ELOVL7: variants seen among roughly 807,000 people sequenced by gnomAD.
ELOVL7 encodes very long chain fatty acid elongase 7.
In ELOVL7, 27 loss-of-function variants were observed where a neutral mutation model predicts 35.7. That is an observed-to-expected ratio of 0.76 (90% CI 0.56 to 1.04). ELOVL7 has a LOEUF of 1.04. Among genes scored for constraint, ELOVL7 ranks in the 50% least tolerant of loss-of-function variants. The pLI is 0.00. For synonymous variants in ELOVL7, 113 were observed against 114.6 expected (o/e 0.99, Z 0.09); for missense variants, 327 against 340.8 (o/e 0.96, Z 0.32).
At chr5:60,779,664 G>A (rs901851698) in intron 3 of ELOVL7, among the ~76,000 whole-genome samples, 6 of 152,184 alleles carry the variant, frequency 3.9e-5, no homozygotes, top group African/African-American at 1.2e-4. Context: ...GGTCTGTGAC[G>A]GGAGGGGCTG....
Position 60,754,787 on chromosome 5 carries a change from A to G in ELOVL7, c.683T>C (p.Met228Thr). The G allele has an allele frequency of 1.2e-6, 2 of 1,614,186 alleles. No individual in the cohort carries two copies. Among genetic ancestry groups the G allele is most frequent in the Non-Finnish European group, 1.7e-6 (2 of 1,180,028 alleles). Reference protein sequence around the residue: ...VAIHISQFFFMEDCKYQFPVF... With the variant: ...VAIHISQFFFTEDCKYQFPVF... ...TGGAAACTGATACTTGCAATCCTCC[A>G]TGAAAAAGAACTGGCTTATGTGGAT... The change falls in exon 9 of 9, where the codon ATG (methionine) becomes ACG (threonine). Residue 228 changes from methionine (M) to threonine (T), a missense_variant. Met to Thr is a moderately conservative substitution (Grantham distance 81). Transcript: ENST00000508821.
intron 6 of ELOVL7, among the ~76,000 whole-genome samples, chr5:60,766,348 A>G (rs1742234410): frequency 6.6e-6 from 1 of 152,254 alleles, no homozygotes. Flanking sequence ...GAAACTTTAT[A>G]GAGTTTGCAA....
At chr5:60,792,773 A>G (rs1168450316) in intron 2 of ELOVL7, among the ~76,000 whole-genome samples, 2 of 152,238 alleles carry the variant, frequency 1.3e-5, no homozygotes, top group African/African-American at 4.8e-5. Flanking sequence ...CCAGGACCCG[A>G]AAAGACAATT....
intron 7 of ELOVL7, among the ~76,000 whole-genome samples, chr5:60,764,008 G>A (rs1742078891): frequency 6.6e-6 from 1 of 152,084 alleles, no homozygotes; most frequent in African/African-American, 2.4e-5. Flanking sequence ...ATGTGTAGAA[G>A]GCTGTGCCCA....
At chr5:60,765,519 G>C (rs1206474868) in intron 6 of ELOVL7, among the ~76,000 whole-genome samples, 2 of 152,076 alleles carry the variant, frequency 1.3e-5, no homozygotes, top group Non-Finnish European at 2.9e-5. Flanking sequence ...GCACAATGTG[G>C]GCTGGAACCA....
At chr5:60,843,794 C>T (rs1473236960) in intron 1 of ELOVL7, among the ~76,000 whole-genome samples, 1 of 151,870 alleles carries the variant, frequency 6.6e-6, no homozygotes. Context: ...GACCCCAGTC[C>T]AGGCTCCGCT....
chr5:60,757,517 A>C lies in ELOVL7; in HGVS notation c.628T>G (p.Leu210Val). 6.2e-7 allele frequency: 1 copy of C among 1,613,320 alleles called. No homozygotes were observed. The highest frequency in any genetic ancestry group is 1.3e-5 in the African/African-American group (1 of 75,028). Reference protein sequence around the residue: ...YLWWKKYLTSLQLVQFVIVAI... With the variant: ...YLWWKKYLTSVQLVQFVIVAI... ...GACAATTAATTACTCACAAGCTGTA[A>C]TGATGTCAAATATTTTTTCCACCAC... The change falls in exon 8 of 9, where the codon TTA becomes GTA. Residue 210 changes from leucine (L) to valine (V), a missense_variant. Leu to Val is a conservative substitution (Grantham distance 32, BLOSUM62 1). Transcript: ENST00000508821.
At chr5:60,834,091 T>G (rs1024574971) in intron 1 of ELOVL7, among the ~76,000 whole-genome samples, 2 of 152,232 alleles carry the variant, frequency 1.3e-5, no homozygotes, top group African/African-American at 4.8e-5. Context: ...AGTTTTTATG[T>G]AAGCCATTAA....
At chr5:60,800,927 C>T (rs913318521) in intron 1 of ELOVL7, among the ~76,000 whole-genome samples, 6 of 151,984 alleles carry the variant, frequency 3.9e-5, no homozygotes, top group African/African-American at 1.5e-4. Flanking sequence ...AATGTTTTAC[C>T]GATTTATGTA....
At chr5:60,830,621 T>C (rs2112383267) in intron 1 of ELOVL7, among the ~76,000 whole-genome samples, 1 of 151,606 alleles carries the variant, frequency 6.6e-6, no homozygotes, top group South Asian at 2.1e-4. Flanking sequence ...TTTTTTTTTT[T>C]TTTGGTAGTA....
Position 60,754,821 on chromosome 5 carries a change from T to A in ELOVL7, c.649A>T (p.Ile217Phe). ...LTSLQLVQFV[I>F]VAIHISQFFF... ...AACTGGCTTATGTGGATGGCGACAA[T>A]AACAAACTGGACCTAAGAAATGAAA... is the stretch of plus-strand genomic sequence containing the variant. Residue 217 changes from isoleucine to phenylalanine, a missense_variant, in exon 9 of 9, where the codon ATT becomes TTT. Coordinates refer to ENST00000508821, the MANE Select transcript of ELOVL7 (RefSeq NM_024930.3). The A allele has an allele frequency of 6.2e-7, 1 of 1,613,812 alleles. No individual in the cohort carries two copies. Among genetic ancestry groups the A allele is most frequent in the Non-Finnish European group, 8.5e-7 (1 of 1,179,894 alleles).
intron 3 of ELOVL7, among the ~76,000 whole-genome samples, chr5:60,783,923 T>C (rs1743409682): frequency 6.6e-6 from 1 of 151,984 alleles, no homozygotes; most frequent in South Asian, 2.1e-4. Flanking sequence ...GGCATCAGAT[T>C]TGGTTTAAGT....
chr5:60,786,210 G>A (rs1398131410), intron 3 of ELOVL7, among the ~76,000 whole-genome samples: 1 of 152,144 alleles, frequency 6.6e-6, no homozygotes, highest in Non-Finnish European at 1.5e-5. Context: ...TGTAAAATGA[G>A]GCATTAGCTT....
intron 7 of ELOVL7, among the ~76,000 whole-genome samples, chr5:60,760,097 A>C (rs1029710461): frequency 2.0e-5 from 3 of 152,230 alleles, no homozygotes; most frequent in Non-Finnish European, 4.4e-5. Flanking sequence ...CGCAATAAAC[A>C]TACGTGTGCA....
intron 1 of ELOVL7, among the ~76,000 whole-genome samples, chr5:60,818,012 A>G (rs1444506516): frequency 6.6e-6 from 1 of 151,920 alleles, no homozygotes; most frequent in Non-Finnish European, 1.5e-5. Context: ...CTATGCCTTA[A>G]AAAAAGAATA....
intron 7 of ELOVL7, among the ~76,000 whole-genome samples, chr5:60,758,390 T>G (rs1160660157): frequency 6.6e-6 from 1 of 152,226 alleles, no homozygotes; most frequent in Non-Finnish European, 1.5e-5. Context: ...TATGTCATTG[T>G]GTGCAATCAA....
At chr5:60,762,007 G>A (rs1449785995) in intron 7 of ELOVL7, among the ~76,000 whole-genome samples, 2 of 152,084 alleles carry the variant, frequency 1.3e-5, no homozygotes, top group Admixed American at 6.6e-5. Flanking sequence ...TAGGGGTCAT[G>A]ATGGTAGGAG....
At chr5:60,817,376 T>C (rs1455231351) in intron 1 of ELOVL7, among the ~76,000 whole-genome samples, 1 of 151,562 alleles carries the variant, frequency 6.6e-6, no homozygotes, top group African/African-American at 2.4e-5. Context: ...AAGTACAAAT[T>C]TAAATTAGAG....
At chr5:60,768,847 T>A (rs557054432) in intron 4 of ELOVL7, among the ~76,000 whole-genome samples, 25 of 152,346 alleles carry the variant, frequency 1.6e-4, no homozygotes, top group African/African-American at 4.8e-4. Context: ...TATCCTTTTC[T>A]GCCATTGAAC....
Sources: gnomAD v4.1 joint callset for allele counts (sites outside exome capture counted in the v4.1 genomes callset) on GRCh38, gnomAD v4.1.1 for gene constraint, MANE v1.5 for transcripts, NCBI Gene and HGNC (gene_info 2026-07-23, HGNC 2026-07-21) for gene names.